Variants in PTPRK observed in about 807,000 individuals in gnomAD.
PTPRK encodes protein tyrosine phosphatase receptor type K.
Under a neutral mutation model 178.0 loss-of-function variants are expected in PTPRK, and 75 were observed. The observed-to-expected ratio is 0.42, with a 90% CI of 0.35 to 0.51. PTPRK has a LOEUF of 0.51. Ranked by LOEUF, PTPRK falls within the 20% of genes least tolerant of loss-of-function variation. The probability of loss-of-function intolerance (pLI) is 0.02; values close to 1 mark genes in which losing one functional copy is unlikely to be tolerated. For synonymous variants in PTPRK, 637 were observed against 620.6 expected (o/e 1.03, Z -0.39); for missense variants, 1,441 against 1,797.8 (o/e 0.80, Z 3.59).
At chr6:128,006,374 T>C (rs145253010) in intron 14 of PTPRK, among the ~76,000 whole-genome samples, 67 of 151,160 alleles carry the variant, frequency 4.4e-4, no homozygotes, top group Non-Finnish European at 7.7e-4. Context: ...CAGTTAAGCA[T>C]AATATCATCC....
At chr6:128,017,351 CTGT>C (rs1562442454) in intron 13 of PTPRK, among the ~76,000 whole-genome samples, 1 of 151,838 alleles carries the variant, frequency 6.6e-6, no homozygotes, top group African/African-American at 2.4e-5. Flanking sequence ...GGATTTACAT[CTGT>C]TGTTTCTGCT....
At chr6:128,458,635 C>T (rs146982519) in intron 1 of PTPRK, among the ~76,000 whole-genome samples, 202 of 152,218 alleles carry the variant, frequency 1.3e-3, no homozygotes, top group Non-Finnish European at 2.0e-3. Flanking sequence ...GTGTGGTGAA[C>T]GGTGTATTAA....
chr6:128,369,836 T>G (rs1334398978), intron 2 of PTPRK, among the ~76,000 whole-genome samples: 1 of 152,112 alleles, frequency 6.6e-6, no homozygotes, highest in African/African-American at 2.4e-5. Flanking sequence ...CTGAGCACTT[T>G]GTTCCAATGA....
At chr6:128,441,450 C>CA (rs147645143) in intron 1 of PTPRK, among the ~76,000 whole-genome samples, 4,712 of 146,032 alleles carry the variant, frequency 0.032, 170 homozygotes, top group African/African-American at 0.087. Flanking sequence ...TTTTATTAAT[C>CA]AAAAAAAAAA....
chr6:128,205,273 C>T (rs1027939156), intron 6 of PTPRK, among the ~76,000 whole-genome samples: 6 of 151,926 alleles, frequency 3.9e-5, no homozygotes, highest in Middle Eastern at 3.4e-3. Flanking sequence ...TGGAAGTATG[C>T]GGGGGAGGGA....
At chr6:128,308,921 T>G (rs1288522850) in intron 3 of PTPRK, among the ~76,000 whole-genome samples, 2 of 151,964 alleles carry the variant, frequency 1.3e-5, no homozygotes, top group African/African-American at 4.8e-5. Context: ...TACACCGGAG[T>G]AGGCCTGGAG....
chr6:128,501,319 T>C (rs1584989326), intron 1 of PTPRK: 1 of 152,082 alleles, frequency 6.6e-6, no homozygotes, highest in African/African-American at 2.4e-5. Context: ...ATGGAGAAAA[T>C]CCATTTTCCC....
chr6:128,385,657 A>T (rs1334439156), intron 2 of PTPRK, among the ~76,000 whole-genome samples: 1 of 152,218 alleles, frequency 6.6e-6, no homozygotes, highest in African/African-American at 2.4e-5. Flanking sequence ...AATTAATCAC[A>T]AGCATTCAGT....
chr6:127,978,893 T>G (rs1456803433), intron 25 of PTPRK, among the ~76,000 whole-genome samples: 1 of 152,192 alleles, frequency 6.6e-6, no homozygotes, highest in Non-Finnish European at 1.5e-5. Flanking sequence ...GAGAAAGAAG[T>G]GAACAATAAA....
chr6:127,995,548 T>A lies in PTPRK; in HGVS notation c.2768-10A>T. The A allele has an allele frequency of 6.6e-7, 1 of 1,518,256 alleles. No homozygotes were observed. The highest frequency in any genetic ancestry group is 9.0e-7 in the Non-Finnish European group (1 of 1,115,644). The allele number at this position is 1,518,256 out of a possible 1,614,324, so 94.0% of individuals were successfully genotyped here. On this transcript the variant is annotated splice_polypyrimidine_tract_variant and intron_variant, in intron 17 of 29. Coordinates refer to ENST00000368226, the MANE Select transcript of PTPRK (RefSeq NM_002844.4). Reference sequence around the variant, plus strand: ...ACTCTGGAGTGATCATCTAAAATTTTAAAATAATAAATATAAGCTGTTAAA... The same window carrying A: ...ACTCTGGAGTGATCATCTAAAATTTAAAAATAATAAATATAAGCTGTTAAA...
chr6:128,491,835 C>T (rs775130859), intron 1 of PTPRK: 2 of 515,260 alleles, frequency 3.9e-6, no homozygotes, highest in Admixed American at 2.0e-5. Context: ...AAGTTACCGA[C>T]CACAAGCACA....
intron 1 of PTPRK, among the ~76,000 whole-genome samples, chr6:128,405,778 C>T (rs904078200): frequency 2.0e-4 from 30 of 151,528 alleles, no homozygotes; most frequent in Admixed American, 6.6e-4. Flanking sequence ...TATGAAGGGA[C>T]GTAAAACAGA....
At chr6:128,249,155 T>C (rs1816018977) in intron 3 of PTPRK, among the ~76,000 whole-genome samples, 1 of 151,912 alleles carries the variant, frequency 6.6e-6, no homozygotes, top group Non-Finnish European at 1.5e-5. Flanking sequence ...TGGAGAAAAT[T>C]GAAAGGAGTT....
At chr6:128,125,717 C>T (rs530409419) in intron 7 of PTPRK, among the ~76,000 whole-genome samples, 2 of 140,392 alleles carry the variant, frequency 1.4e-5, no homozygotes, top group East Asian at 4.7e-4. Flanking sequence ...TCAAGCAATT[C>T]TTCTGCCTCG....
At chr6:128,181,769 G>A (rs537587386) in intron 7 of PTPRK, among the ~76,000 whole-genome samples, 2 of 152,140 alleles carry the variant, frequency 1.3e-5, no homozygotes, top group South Asian at 2.1e-4. Flanking sequence ...TTGGGGAAAG[G>A]TAAATGGATC....
intron 1 of PTPRK, among the ~76,000 whole-genome samples, chr6:128,496,172 A>T (rs1337687340): frequency 6.6e-6 from 1 of 152,232 alleles, no homozygotes; most frequent in Non-Finnish European, 1.5e-5. Flanking sequence ...AAGGTGCTCA[A>T]TATACAGCTG....
At chr6:128,271,005 G>A (rs1294484906) in intron 3 of PTPRK, among the ~76,000 whole-genome samples, 1 of 152,012 alleles carries the variant, frequency 6.6e-6, no homozygotes, top group African/African-American at 2.4e-5. Flanking sequence ...TCCACTTTGG[G>A]CAAGTAAGAT....
chr6:128,200,519 A>G (rs1032996328), intron 6 of PTPRK, among the ~76,000 whole-genome samples: 3 of 151,932 alleles, frequency 2.0e-5, no homozygotes, highest in Non-Finnish European at 4.4e-5. Flanking sequence ...AAGGCCAGGC[A>G]TTCAAGACCA....
intron 20 of PTPRK, 70 bp downstream of exon 20, chr6:127,991,224 G>A: frequency 8.6e-6 from 10 of 1,166,482 alleles, no homozygotes; most frequent in Non-Finnish European, 1.2e-5. Flanking sequence ...ATTCTATTTT[G>A]AGTGTCTTAC....
Sources: gnomAD v4.1 joint callset for allele counts (sites outside exome capture counted in the v4.1 genomes callset) on GRCh38, gnomAD v4.1.1 for gene constraint, MANE v1.5 for transcripts, NCBI Gene and HGNC (gene_info 2026-07-23, HGNC 2026-07-21) for gene names.